Variants in GRID2 observed in about 807,000 individuals in gnomAD.
The protein encoded by GRID2 is glutamate ionotropic receptor delta type subunit 2, also known as glutamate receptor ionotropic, delta-2.
GRID2 carries 33 observed loss-of-function variants against 114.8 expected under a neutral mutation model. The ratio of observed to expected loss-of-function variants is 0.29; its 90% CI spans 0.22 to 0.38. The LOEUF is 0.38. GRID2 is among the 10% of genes least tolerant of loss of function. GRID2 has a pLI of 1.00. For synonymous variants in GRID2, 505 were observed against 449.9 expected (o/e 1.12, Z -1.55); for missense variants, 1,184 against 1,257.7 (o/e 0.94, Z 0.89).
intron 4 of GRID2, among the ~76,000 whole-genome samples, chr4:93,111,592 G>T (rs1424805737): frequency 6.6e-6 from 1 of 152,038 alleles, no homozygotes; most frequent in Non-Finnish European, 1.5e-5. Flanking sequence ...GTTCTAAAAT[G>T]CCTGCTATTG....
chr4:92,696,770 G>A (rs1474701810), intron 2 of GRID2, among the ~76,000 whole-genome samples: 1 of 152,106 alleles, frequency 6.6e-6, no homozygotes, highest in Admixed American at 6.5e-5. Context: ...GTTTAGACCT[G>A]TAATTGAAAG....
At chr4:92,364,407 T>C (rs1407824414) in intron 1 of GRID2, among the ~76,000 whole-genome samples, 1 of 152,120 alleles carries the variant, frequency 6.6e-6, no homozygotes, top group Non-Finnish European at 1.5e-5. Context: ...TTAACTTTCT[T>C]AAAGCATAGT....
chr4:92,897,717 G>A (rs1560679581), intron 2 of GRID2, among the ~76,000 whole-genome samples: 2 of 152,112 alleles, frequency 1.3e-5, no homozygotes, highest in Non-Finnish European at 2.9e-5. Flanking sequence ...GAGAGGCTTG[G>A]AAATATTGCT....
chr4:92,355,840 T>A (rs1262575948), intron 1 of GRID2, among the ~76,000 whole-genome samples: 1 of 151,842 alleles, frequency 6.6e-6, no homozygotes, highest in East Asian at 1.9e-4. Context: ...AATTCTCTTA[T>A]ATGTATTTCA....
intron 2 of GRID2, among the ~76,000 whole-genome samples, chr4:92,653,364 T>G (rs1032362346): frequency 4.6e-5 from 7 of 151,188 alleles, no homozygotes; most frequent in Admixed American, 3.3e-4. Context: ...TGTTTGTAAT[T>G]GTTTTCAGGA....
At chr4:92,363,234 T>A (rs1728699082) in intron 1 of GRID2, among the ~76,000 whole-genome samples, 1 of 152,060 alleles carries the variant, frequency 6.6e-6, no homozygotes. Flanking sequence ...TCCCCCCATG[T>A]GAATTGCTTT....
At chr4:93,032,552 C>G (rs1041256019) in intron 2 of GRID2, among the ~76,000 whole-genome samples, 2 of 152,052 alleles carry the variant, frequency 1.3e-5, no homozygotes, top group African/African-American at 2.4e-5. Context: ...TTTCTTAACT[C>G]TTATCTTAAT....
At chr4:92,336,951 G>GTTT (rs1474706431) in intron 1 of GRID2, among the ~76,000 whole-genome samples, 13 of 16,576 alleles carry the variant, frequency 7.8e-4, no homozygotes, top group African/African-American at 1.6e-3. Flanking sequence ...GTCTTTCGTT[G>GTTT]TTGTTTTTTT....
At chr4:93,748,033 CAACTT>C (rs1478749155) in intron 14 of GRID2, among the ~76,000 whole-genome samples, 1 of 151,938 alleles carries the variant, frequency 6.6e-6, no homozygotes, top group Admixed American at 6.6e-5. Flanking sequence ...TAACATCTAA[CAACTT>C]AAGGAAATTC....
intron 2 of GRID2, among the ~76,000 whole-genome samples, chr4:92,979,406 G>A (rs1280918768): frequency 1.3e-5 from 2 of 151,816 alleles, no homozygotes; most frequent in Non-Finnish European, 2.9e-5. Flanking sequence ...ACAGAGCAAG[G>A]ACCTTAGATG....
chr4:93,174,134 T>C (rs1739116767), intron 4 of GRID2, among the ~76,000 whole-genome samples: 2 of 152,276 alleles, frequency 1.3e-5, no homozygotes, highest in South Asian at 2.1e-4. Context: ...CATTCACTCC[T>C]TTGTGTATGT....
At chr4:92,585,226 G>C (rs1236326682) in intron 1 of GRID2, among the ~76,000 whole-genome samples, 1 of 151,970 alleles carries the variant, frequency 6.6e-6, no homozygotes, top group Admixed American at 6.6e-5. Flanking sequence ...GGTAGAGAGA[G>C]TGAGAGCATG....
intron 8 of GRID2, among the ~76,000 whole-genome samples, chr4:93,252,956 T>C (rs1026065901): frequency 1.3e-5 from 2 of 151,992 alleles, no homozygotes; most frequent in African/African-American, 4.8e-5. Flanking sequence ...TTACATATAA[T>C]AATAAAACTC....
chr4:92,446,471 T>C (rs575565464), intron 1 of GRID2, among the ~76,000 whole-genome samples: 38 of 152,350 alleles, frequency 2.5e-4, no homozygotes, highest in African/African-American at 8.2e-4. Flanking sequence ...CTATCATTTA[T>C]TTGCTTTCTC....
chr4:93,749,478 C>T (rs1732127435), intron 14 of GRID2, among the ~76,000 whole-genome samples: 1 of 152,094 alleles, frequency 6.6e-6, no homozygotes, highest in African/African-American at 2.4e-5. Context: ...CCACTCATTG[C>T]CCCTTTTTCA....
At chr4:93,274,729 A>G (rs965403389) in intron 8 of GRID2, among the ~76,000 whole-genome samples, 2 of 152,088 alleles carry the variant, frequency 1.3e-5, no homozygotes, top group African/African-American at 4.8e-5. Context: ...CTGGCTGTGC[A>G]TAAAGGCTGG....
intron 1 of GRID2, among the ~76,000 whole-genome samples, chr4:92,333,053 C>G (rs1364691895): frequency 2.6e-5 from 4 of 152,234 alleles, no homozygotes; most frequent in Admixed American, 2.6e-4. Context: ...CTCCACTAAG[C>G]ATTACCCTAG....
rs1039217797 is a variant in GRID2, at chr4:93,773,814, T to A, written c.*1316T>A. ...TCTCAACTCAACTCCCTTTTTTATTTAGTTCTATTTGGAGGAGTTATGTAT... is the reference window on the plus strand; with the variant it reads ...TCTCAACTCAACTCCCTTTTTTATTAAGTTCTATTTGGAGGAGTTATGTAT... On this transcript the variant is annotated 3_prime_UTR_variant, in exon 16 of 16. Coordinates refer to ENST00000282020, the MANE Select transcript of GRID2 (RefSeq NM_001510.4). 1.3e-5 allele frequency: 2 copies of A among 152,258 alleles called. No homozygotes were observed. Among genetic ancestry groups the A allele is most frequent in the East Asian group, 1.9e-4 (1 of 5,178 alleles). The allele number at this position is 152,258 out of a possible 1,614,324, so 9.4% of individuals were successfully genotyped here.
chr4:92,588,532 A>T (rs1432436362), intron 1 of GRID2, among the ~76,000 whole-genome samples: 1 of 151,462 alleles, frequency 6.6e-6, no homozygotes, highest in Non-Finnish European at 1.5e-5. Context: ...AAAAAAAATT[A>T]GCTGGGCGCG....
Sources: gnomAD v4.1 joint callset for allele counts (sites outside exome capture counted in the v4.1 genomes callset) on GRCh38, gnomAD v4.1.1 for gene constraint, MANE v1.5 for transcripts, NCBI Gene and HGNC (gene_info 2026-07-23, HGNC 2026-07-21) for gene names.